CAAP1: variants seen among roughly 807,000 people sequenced by gnomAD.
The protein encoded by CAAP1 is caspase activity and apoptosis inhibitor 1, also known as conserved anti-apoptotic protein.
Under a neutral mutation model 34.0 loss-of-function variants are expected in CAAP1, and 20 were observed. That is an observed-to-expected ratio of 0.59 (90% CI 0.41 to 0.86). The LOEUF (loss-of-function observed/expected upper bound fraction) is 0.86, where lower values mean the gene tolerates loss of function less well. Among genes scored for constraint, CAAP1 ranks in the 40% least tolerant of loss-of-function variants. CAAP1 has a pLI of 0.00. For synonymous variants in CAAP1, 213 were observed against 166.7 expected (o/e 1.28, Z -2.14); for missense variants, 538 against 450.5 (o/e 1.19, Z -1.76).
At chr9:26,863,667 T>G (rs1332445149) in intron 4 of CAAP1, among the ~76,000 whole-genome samples, 1 of 144,858 alleles carries the variant, frequency 6.9e-6, no homozygotes. Flanking sequence ...AAGAATTTTA[T>G]AAACAACTGT....
rs368761104 is a variant in CAAP1 at position 26,886,091 on chromosome 9, T to C, written c.589+13A>G. ...CTAAGAAGTTGCCAGAATGTAAAAA[T>C]ATGTATTCTTACCCTCAAGAATCTT... On this transcript the variant is annotated intron_variant, in intron 3 of 5. Transcript: ENST00000333916. The C allele has an allele frequency of 2.1e-5, 29 of 1,410,070 alleles. No homozygotes were observed. The highest frequency in any genetic ancestry group is 2.6e-5 in the Non-Finnish European group (27 of 1,033,882). 87.3% of individuals were successfully genotyped at this position (1,410,070 alleles called of 1,614,324 possible).
chr9:26,886,122 T>C lies in CAAP1; in HGVS notation c.571A>G (p.Ile191Val). ...TTCTTACCCTCAAGAATCTTCAAAA[T>C]TTTTTTTTCAGACAGGAGCTCTAAC... ...EQLELLSEKK[I>V]LKILEGDNGM... The change falls in exon 3 of 6, where the codon ATT (isoleucine) becomes GTT (valine). Residue 191 changes from isoleucine (I) to valine (V), a missense_variant. Transcript: ENST00000333916. The C allele has an allele frequency of 2.0e-6, 3 of 1,510,494 alleles. No individual in the cohort carries two copies. The highest frequency in any genetic ancestry group is 2.7e-6 in the Non-Finnish European group (3 of 1,120,968). The allele number at this position is 1,510,494 out of a possible 1,614,324, so 93.6% of individuals were successfully genotyped here. A position where few individuals can be genotyped will look rare whatever the true frequency, so the allele number is the denominator to read the frequency against.
rs778613426 is a variant in CAAP1, at chr9:26,892,766, C to G, written c.-51G>C. 3 of 1,503,008 alleles carry G rather than the reference C, an allele frequency of 2.0e-6. No homozygotes were observed. The highest frequency in any genetic ancestry group is 1.8e-6 in the Non-Finnish European group (2 of 1,126,842). 93.1% of individuals were successfully genotyped at this position (1,503,008 alleles called of 1,614,324 possible). On this transcript the variant is annotated 5_prime_UTR_variant, in exon 1 of 6. Coordinates refer to ENST00000333916, the MANE Select transcript of CAAP1 (RefSeq NM_024828.4). ...GAAAGTCCGCTGTCTCTGGTGCGAC[C>G]GAAGCCCGACTCCTGCGGCCGTGGG...
At chr9:26,887,663 G>C (rs1447021221) in intron 1 of CAAP1, 150 bp from the exon 2 acceptor site, 33 of 570,476 alleles carry the variant, frequency 5.8e-5, no homozygotes, top group Non-Finnish European at 3.0e-6. Context: ...CCATAGGAGA[G>C]AATATCTGTT....
intron 5 of CAAP1, among the ~76,000 whole-genome samples, chr9:26,845,952 A>T (rs1222952294): frequency 6.6e-6 from 1 of 151,846 alleles, no homozygotes; most frequent in East Asian, 1.9e-4. Context: ...TCTTTGATAT[A>T]AAATGGATGA....
chr9:26,873,271 A>C (rs966965461), intron 4 of CAAP1, among the ~76,000 whole-genome samples: 6 of 152,198 alleles, frequency 3.9e-5, no homozygotes, highest in African/African-American at 1.4e-4. Context: ...TTGTGTTTTA[A>C]CTTATTTTGA....
chr9:26,880,094 C>CT (rs1491401984), intron 4 of CAAP1: 1 of 148,492 alleles, frequency 6.7e-6, no homozygotes, highest in African/African-American at 2.9e-5. Context: ...GAAAAAAATC[C>CT]GGGGGGGGGG....
At chr9:26,884,043 T>G (rs1563892966) in intron 4 of CAAP1, among the ~76,000 whole-genome samples, 1 of 152,228 alleles carries the variant, frequency 6.6e-6, no homozygotes, top group African/African-American at 2.4e-5. Flanking sequence ...CGTGTACTAC[T>G]GCCTGTGACA....
rs1367042877 is a variant in CAAP1 at position 26,841,155 on chromosome 9, T to C, written c.*1146A>G. Reference sequence around the variant, plus strand: ...AAACACAATCCCTGCAACTTTTATATATAAGGAAAGTCCTCATACAGTATC... The same window carrying C: ...AAACACAATCCCTGCAACTTTTATACATAAGGAAAGTCCTCATACAGTATC... On this transcript the variant is annotated 3_prime_UTR_variant, in exon 6 of 6. Transcript: ENST00000333916. 6.6e-6 allele frequency: 1 copy of C among 152,212 alleles called. No individual in the cohort carries two copies. The highest frequency in any genetic ancestry group is 2.4e-5 in the African/African-American group (1 of 41,466). The allele number at this position is 152,212 out of a possible 1,614,324, so 9.4% of individuals were successfully genotyped here.
chr9:26,888,627 T>C (rs1464143865), intron 1 of CAAP1, among the ~76,000 whole-genome samples: 2 of 152,204 alleles, frequency 1.3e-5, no homozygotes, highest in African/African-American at 4.8e-5. Flanking sequence ...TGTAATAATG[T>C]AGAGAAACTG....
At chr9:26,891,846 AC>A (rs1823910935) in intron 1 of CAAP1, among the ~76,000 whole-genome samples, 1 of 152,224 alleles carries the variant, frequency 6.6e-6, no homozygotes, top group Non-Finnish European at 1.5e-5. Context: ...AATTTAAAGT[AC>A]CTATTCATTC....
chr9:26,845,397 A>G (rs1278711409), intron 5 of CAAP1, among the ~76,000 whole-genome samples: 2 of 152,134 alleles, frequency 1.3e-5, no homozygotes, highest in Non-Finnish European at 2.9e-5. Flanking sequence ...GCACTGCTGA[A>G]TATTTGCTTT....
At chr9:26,885,743 A>G (rs897784981) in intron 3 of CAAP1, among the ~76,000 whole-genome samples, 2 of 152,204 alleles carry the variant, frequency 1.3e-5, no homozygotes, top group East Asian at 1.9e-4. Context: ...ACAATATGCA[A>G]TAGGTGACTA....
intron 1 of CAAP1, among the ~76,000 whole-genome samples, chr9:26,889,867 CAAAA>C (rs1028187218): frequency 7.8e-5 from 4 of 51,320 alleles, no homozygotes; most frequent in South Asian, 7.2e-4. Context: ...GACTCTGTCT[CAAAA>C]AAAAAAAAAA....
At chr9:26,888,595 C>G (rs1420066971) in intron 1 of CAAP1, among the ~76,000 whole-genome samples, 2 of 152,176 alleles carry the variant, frequency 1.3e-5, no homozygotes, top group African/African-American at 4.8e-5. Context: ...AAAGAATCAG[C>G]ACTTGTTCTA....
chr9:26,889,585 T>G (rs1474863355), intron 1 of CAAP1, among the ~76,000 whole-genome samples: 3 of 151,828 alleles, frequency 2.0e-5, no homozygotes, highest in African/African-American at 7.3e-5. Flanking sequence ...CCGGGCAGAG[T>G]GGCTCACAGC....
chr9:26,876,276 G>T (rs1823425946), intron 4 of CAAP1, among the ~76,000 whole-genome samples: 1 of 151,974 alleles, frequency 6.6e-6, no homozygotes, highest in Non-Finnish European at 1.5e-5. Flanking sequence ...CTCTTATAAG[G>T]ATCCTCATGA....
intron 4 of CAAP1, among the ~76,000 whole-genome samples, chr9:26,862,164 G>A (rs535669509): frequency 6.2e-4 from 95 of 152,242 alleles, no homozygotes; most frequent in Middle Eastern, 3.4e-3. Flanking sequence ...TCACCAGAAT[G>A]ACTGGCAGGT....
intron 4 of CAAP1, among the ~76,000 whole-genome samples, chr9:26,882,432 C>A (rs1211577894): frequency 6.6e-6 from 1 of 152,176 alleles, no homozygotes; most frequent in Non-Finnish European, 1.5e-5. Context: ...GGGGTTGAGC[C>A]TGCAGTTGCA....
Sources: gnomAD v4.1 joint callset for allele counts (sites outside exome capture counted in the v4.1 genomes callset) on GRCh38, gnomAD v4.1.1 for gene constraint, MANE v1.5 for transcripts, NCBI Gene and HGNC (gene_info 2026-07-23, HGNC 2026-07-21) for gene names.